TNR: variants seen among roughly 807,000 people sequenced by gnomAD.
TNR encodes the protein tenascin-R.
Under a neutral mutation model 150.4 loss-of-function variants are expected in TNR, and 45 were observed. The observed-to-expected ratio is 0.30, with a 90% CI of 0.24 to 0.38. TNR has a LOEUF of 0.38. Among genes scored for constraint, TNR ranks in the 10% least tolerant of loss-of-function variants. TNR has a pLI of 1.00. For missense variants in TNR, 1,544 were observed against 1,759.1 expected, an observed-to-expected ratio of 0.88 and a Z score of 2.19; for synonymous variants, 687 against 678.4, an observed-to-expected ratio of 1.01 and a Z score of -0.20.
At chr1:175,449,936 C>T (rs1656228221) in intron 2 of TNR, among the ~76,000 whole-genome samples, 1 of 152,214 alleles carries the variant, frequency 6.6e-6, no homozygotes, top group South Asian at 2.1e-4. Context: ...CAGCCACCTT[C>T]AGCACAATCA....
At chr1:175,487,508 C>T (rs1202072862) in intron 2 of TNR, among the ~76,000 whole-genome samples, 1 of 152,220 alleles carries the variant, frequency 6.6e-6, no homozygotes, top group African/African-American at 2.4e-5. Context: ...TTTTCTTCCG[C>T]CCTACCCATG....
Position 175,365,296 on chromosome 1 carries a change from A to G in TNR, c.2318-17T>C. Reference sequence around the variant, plus strand: ...GACGGAAGCCTGCAAAGCAAAGGAGATGGATGGTCCTGAAACACGTGAGGA... The same window carrying G: ...GACGGAAGCCTGCAAAGCAAAGGAGGTGGATGGTCCTGAAACACGTGAGGA... On this transcript the variant is annotated splice_polypyrimidine_tract_variant and intron_variant, in intron 11 of 22. Transcript: ENST00000367674. 6.3e-7 allele frequency: 1 copy of G among 1,585,488 alleles called. No individual in the cohort carries two copies. Among genetic ancestry groups the G allele is most frequent in the Non-Finnish European group, 8.6e-7 (1 of 1,163,372 alleles).
chr1:175,558,008 A>G (rs1467564844), intron 1 of TNR, among the ~76,000 whole-genome samples: 5 of 110,298 alleles, frequency 4.5e-5, no homozygotes, highest in Non-Finnish European at 5.6e-5. Flanking sequence ...CATTCTCAGT[A>G]AACTATCGCA....
intron 1 of TNR, among the ~76,000 whole-genome samples, chr1:175,571,987 A>G (rs1049932386): frequency 6.6e-6 from 1 of 152,098 alleles, no homozygotes; most frequent in Non-Finnish European, 1.5e-5. Flanking sequence ...ATAAGGAAAC[A>G]AACACCCTAG....
At chr1:175,422,374 CTT>C (rs1654789388) in intron 2 of TNR, among the ~76,000 whole-genome samples, 1 of 152,228 alleles carries the variant, frequency 6.6e-6, no homozygotes, top group Non-Finnish European at 1.5e-5. Flanking sequence ...CTCTCTCTCT[CTT>C]TCAATACATA....
intron 1 of TNR, among the ~76,000 whole-genome samples, chr1:175,580,618 GT>G (rs1240287028): frequency 2.6e-5 from 4 of 152,176 alleles, no homozygotes; most frequent in Admixed American, 6.5e-5. Context: ...AAGAAAGCTT[GT>G]GGGATGATTT....
chr1:175,389,762 C>T (rs940692213), intron 7 of TNR, among the ~76,000 whole-genome samples: 1 of 152,156 alleles, frequency 6.6e-6, no homozygotes, highest in African/African-American at 2.4e-5. Context: ...CACCTTTCTG[C>T]CCCCAAGTTA....
chr1:175,587,787 A>G (rs2101835154), intron 1 of TNR, among the ~76,000 whole-genome samples: 1 of 152,332 alleles, frequency 6.6e-6, no homozygotes, highest in South Asian at 2.1e-4. Flanking sequence ...AATGTGCAGA[A>G]GGGTTGAAAA....
chr1:175,553,531 A>T (rs1661025220), intron 1 of TNR, among the ~76,000 whole-genome samples: 1 of 152,164 alleles, frequency 6.6e-6, no homozygotes, highest in African/African-American at 2.4e-5. Flanking sequence ...TTTAATATCC[A>T]TTGGAAAATA....
At chr1:175,625,356 G>A (rs552895774) in intron 1 of TNR, among the ~76,000 whole-genome samples, 3 of 152,350 alleles carry the variant, frequency 2.0e-5, no homozygotes, top group Middle Eastern at 6.8e-3. Flanking sequence ...CTGTCAAAGC[G>A]AATATGTAAT....
chr1:175,376,836 T>C (rs901694470), intron 9 of TNR, among the ~76,000 whole-genome samples: 7 of 140,492 alleles, frequency 5.0e-5, no homozygotes, highest in Non-Finnish European at 4.6e-5. Context: ...CTGAGATAAT[T>C]ATGTGTAATA....
At chr1:175,743,150 A>G (rs1486775309) in intron 1 of TNR, 76 bp downstream of exon 1, 1 of 152,222 alleles carries the variant, frequency 6.6e-6, no homozygotes, top group Non-Finnish European at 1.5e-5. Flanking sequence ...CAGGAACCAA[A>G]ATGCATCTCA....
chr1:175,354,430 T>A lies in TNR; in HGVS notation c.3343A>T (p.Thr1115Ser), dbSNP rs754848367. Reference protein sequence around the residue: ...YTVLLQAAQDTTWSSITSTAF... With the variant: ...YTVLLQAAQDSTWSSITSTAF... The stretch of plus-strand genomic sequence containing the variant: ...GTGGAGGTGATGCTGCTCCACGTGG[T>A]GTCCTGTGCTGCCTGCAGGAGCACC... Residue 1115 changes from threonine (T) to serine (S), a missense_variant, in exon 18 of 23, where the codon ACC becomes TCC. Physicochemically the swap from Thr to Ser is moderately conservative, Grantham distance 58 (BLOSUM62 1). Transcript: ENST00000367674. 4 of 1,614,106 alleles carry A rather than the reference T, an allele frequency of 2.5e-6. No individual in the cohort carries two copies. In the South Asian group the frequency reaches 4.4e-5, roughly 18 times the overall value.
intron 1 of TNR, among the ~76,000 whole-genome samples, chr1:175,709,622 C>T (rs16848998): frequency 0.08 from 12,214 of 152,158 alleles, 1,562 homozygotes; most frequent in African/African-American, 0.27. Flanking sequence ...ATGCTCATTC[C>T]CCTAACAGGC....
At chr1:175,423,339 T>A (rs1479208844) in intron 2 of TNR, among the ~76,000 whole-genome samples, 1 of 152,130 alleles carries the variant, frequency 6.6e-6, no homozygotes, top group Non-Finnish European at 1.5e-5. Flanking sequence ...GGGTGGGTCA[T>A]CACTGGGTGC....
At chr1:175,579,941 TAG>T in intron 1 of TNR, among the ~76,000 whole-genome samples, 1 of 152,062 alleles carries the variant, frequency 6.6e-6, no homozygotes, top group Non-Finnish European at 1.5e-5. Context: ...CATGGCAACT[TAG>T]ACACATCAGA....
intron 1 of TNR, among the ~76,000 whole-genome samples, chr1:175,674,587 T>G (rs1665805853): frequency 6.6e-6 from 1 of 152,210 alleles, no homozygotes; most frequent in East Asian, 1.9e-4. Context: ...GGGAGCAGTA[T>G]GTTGGAGACC....
chr1:175,497,313 C>T (rs1183987126), intron 2 of TNR, among the ~76,000 whole-genome samples: 3 of 152,184 alleles, frequency 2.0e-5, no homozygotes, highest in African/African-American at 7.2e-5. Context: ...CCATCTCCCT[C>T]TCTCTCACCG....
intron 6 of TNR, among the ~76,000 whole-genome samples, chr1:175,391,729 G>A (rs961253192): frequency 6.6e-6 from 1 of 152,232 alleles, no homozygotes; most frequent in Non-Finnish European, 1.5e-5. Flanking sequence ...AATTAGTGAT[G>A]AGGTGGTGCA....
Sources: allele counts gnomAD v4.1 joint callset (sites outside exome capture counted in the v4.1 genomes callset), GRCh38; gene constraint gnomAD v4.1.1; transcripts MANE v1.5; gene names NCBI Gene and HGNC (gene_info 2026-07-23, HGNC 2026-07-21).